Variants in DEFB119 observed in about 807,000 individuals in gnomAD.
DEFB119 encodes defensin beta 119, also known as beta-defensin 119.
In DEFB119, 3 loss-of-function variants were observed where a neutral mutation model predicts 2.5. The observed-to-expected ratio is 1.19, with a 90% CI of 0.54 to 3.07. The LOEUF is 3.07. Ranked by LOEUF, DEFB119 falls within the 30% of genes most tolerant of loss-of-function variation. The pLI, the probability that DEFB119 is intolerant of heterozygous loss-of-function variation, is 0.03. For synonymous variants in DEFB119, 29 were observed against 33.7 expected, an observed-to-expected ratio of 0.86 and a Z score of 0.48; for missense variants, 113 against 101.1, an observed-to-expected ratio of 1.12 and a Z score of -0.50.
chr20:31,390,639 G>A (rs1986901669), upstream of DEFB119: 1 of 661,784 alleles, frequency 1.5e-6, no homozygotes, highest in Admixed American at 3.0e-5. Context: ...CAGGCCAAAG[G>A]ACAGTGTGTA....
chr20:31,383,454 G>A (rs987734166), intron 1 of DEFB119, among the ~76,000 whole-genome samples: 1 of 148,410 alleles, frequency 6.7e-6, no homozygotes, highest in African/African-American at 2.5e-5. Context: ...TGAGGCAGGA[G>A]AATCGCTTGA....
At chr20:31,389,664 C>G (rs1243882030) in intron 1 of DEFB119, among the ~76,000 whole-genome samples, 1 of 152,022 alleles carries the variant, frequency 6.6e-6, no homozygotes, top group African/African-American at 2.4e-5. Flanking sequence ...CACATAAGCC[C>G]AACAAGCCTC....
Position 31,390,547 on chromosome 20 carries a change from G to A in DEFB119, c.-64C>T. ...GGGGAAGGAAATAGGGTTCCCTGCA[G>A]CACGGCAGAGATGAGCTTTGCTTTT... On this transcript the variant is annotated 5_prime_UTR_variant, in exon 1 of 2. Coordinates refer to ENST00000376321, the MANE Select transcript of DEFB119 (RefSeq NM_153289.4). 1 of 1,498,718 alleles carries A rather than the reference G, an allele frequency of 6.7e-7. No individual in the cohort carries two copies. The highest frequency in any genetic ancestry group is 9.2e-7 in the Non-Finnish European group (1 of 1,083,362). 92.8% of individuals were successfully genotyped at this position (1,498,718 alleles called of 1,614,324 possible).
intron 1 of DEFB119, 115 bp downstream of exon 1, chr20:31,390,308 T>A: frequency 1.0e-6 from 1 of 986,654 alleles, no homozygotes; most frequent in Non-Finnish European, 1.6e-6. Context: ...TGGGCAAACC[T>A]CCCGAAGCTG....
At chr20:31,378,350 A>AGTGTATTT in intron 1 of DEFB119, 3 of 1,614,084 alleles carry the variant, frequency 1.9e-6, no homozygotes, top group Non-Finnish European at 1.7e-6. Context: ...ACTTCCACCC[A>AGTGTATTT]CCTGGCAGTA....
At chr20:31,381,927 G>T (rs1038394717) in intron 1 of DEFB119, among the ~76,000 whole-genome samples, 5 of 152,206 alleles carry the variant, frequency 3.3e-5, no homozygotes, top group Admixed American at 6.5e-5. Context: ...TGGGAAAACA[G>T]ATTAGTGGTT....
At chr20:31,387,721 C>A (rs1986764316) in intron 1 of DEFB119, among the ~76,000 whole-genome samples, 1 of 152,160 alleles carries the variant, frequency 6.6e-6, no homozygotes, top group African/African-American at 2.4e-5. Flanking sequence ...TGAGGAAAGG[C>A]CCCTGCAGCT....
intron 1 of DEFB119, chr20:31,389,316 C>T (rs1479941680): frequency 3.8e-6 from 6 of 1,581,550 alleles, no homozygotes; most frequent in Non-Finnish European, 4.3e-6. Flanking sequence ...AACAGGAGGA[C>T]AGGGAAGAAG....
intron 1 of DEFB119, among the ~76,000 whole-genome samples, chr20:31,380,838 G>A (rs1266359407): frequency 6.6e-6 from 1 of 151,724 alleles, no homozygotes; most frequent in Admixed American, 6.6e-5. Flanking sequence ...TATATAATAA[G>A]TCTTAAAATC....
chr20:31,379,624 G>T (rs940971008), intron 1 of DEFB119, among the ~76,000 whole-genome samples: 1 of 151,174 alleles, frequency 6.6e-6, no homozygotes. Flanking sequence ...CTCCTGAGTA[G>T]CTGGGATTAC....
At chr20:31,385,374 CAAAAAAA>C (rs539118665) in intron 1 of DEFB119, among the ~76,000 whole-genome samples, 1 of 115,804 alleles carries the variant, frequency 8.6e-6, no homozygotes, top group Admixed American at 9.4e-5. Flanking sequence ...TAACAAAAGA[CAAAAAAA>C]AAAAAAAAAA....
chr20:31,381,420 C>T (rs1205058795), intron 1 of DEFB119, among the ~76,000 whole-genome samples: 1 of 152,210 alleles, frequency 6.6e-6, no homozygotes, highest in Non-Finnish European at 1.5e-5. Context: ...AATCTGCATG[C>T]CTTTCATTTC....
intron 1 of DEFB119, among the ~76,000 whole-genome samples, chr20:31,383,715 C>T (rs1226821101): frequency 2.0e-5 from 3 of 151,698 alleles, no homozygotes; most frequent in African/African-American, 2.4e-5. Flanking sequence ...TGGTGGCAGG[C>T]GCCTGTAGTC....
intron 1 of DEFB119, among the ~76,000 whole-genome samples, chr20:31,386,719 T>C (rs1248888956): frequency 1.3e-5 from 2 of 151,922 alleles, no homozygotes; most frequent in African/African-American, 2.4e-5. Flanking sequence ...CACAGCTAGA[T>C]AGGAGGAATA....
chr20:31,379,846 T>C (rs1395750027), intron 1 of DEFB119, among the ~76,000 whole-genome samples: 1 of 152,098 alleles, frequency 6.6e-6, no homozygotes, highest in African/African-American at 2.4e-5. Flanking sequence ...CTTGTATTTT[T>C]AGTAGAGACG....
At chr20:31,382,552 G>T (rs930199965) in intron 1 of DEFB119, among the ~76,000 whole-genome samples, 5 of 152,138 alleles carry the variant, frequency 3.3e-5, no homozygotes, top group African/African-American at 1.2e-4. Context: ...ATTTGAGCAA[G>T]ACCCAGAAAC....
intron 1 of DEFB119, among the ~76,000 whole-genome samples, chr20:31,382,901 C>T (rs1568729899): frequency 6.6e-6 from 1 of 152,182 alleles, no homozygotes; most frequent in African/African-American, 2.4e-5. Flanking sequence ...TACACAATAA[C>T]ATAATACGTG....
At chr20:31,382,960 T>A (rs1986555229) in intron 1 of DEFB119, among the ~76,000 whole-genome samples, 1 of 152,196 alleles carries the variant, frequency 6.6e-6, no homozygotes, top group South Asian at 2.1e-4. Flanking sequence ...AAAACTCAGT[T>A]TGGAGAAAAA....
chr20:31,385,374 C>CAAAAAAAAAAAAAAAAAAAAA (rs539118665), intron 1 of DEFB119, among the ~76,000 whole-genome samples: 2 of 115,800 alleles, frequency 1.7e-5, no homozygotes, highest in African/African-American at 6.7e-5. Context: ...TAACAAAAGA[C>CAAAAAAAAAAAAAAAAAAAAA]AAAAAAAAAA....
Sources: allele counts gnomAD v4.1 joint callset (sites outside exome capture counted in the v4.1 genomes callset), GRCh38; gene constraint gnomAD v4.1.1; transcripts MANE v1.5; gene names NCBI Gene and HGNC (gene_info 2026-07-23, HGNC 2026-07-21).